Variants in NUDT21 observed in about 807,000 individuals in gnomAD.
NUDT21 encodes the protein nudix hydrolase 21, also known as cleavage and polyadenylation specificity factor subunit 5.
NUDT21 carries 5 observed loss-of-function variants against 29.8 expected under a neutral mutation model. The observed-to-expected ratio is 0.17, with a 90% CI of 0.09 to 0.35. NUDT21 has a LOEUF of 0.35. Ranked by LOEUF, NUDT21 falls within the 10% of genes least tolerant of loss-of-function variation. The probability of loss-of-function intolerance (pLI) is 1.00; values close to 1 mark genes in which losing one functional copy is unlikely to be tolerated. For missense variants in NUDT21, 76 were observed against 276.0 expected, an observed-to-expected ratio of 0.28 and a Z score of 5.13; for synonymous variants, 113 against 98.5, an observed-to-expected ratio of 1.15 and a Z score of -0.87.
intron 3 of NUDT21, among the ~76,000 whole-genome samples, chr16:56,443,565 A>G (rs1962183564): frequency 6.6e-6 from 1 of 152,190 alleles, no homozygotes; most frequent in African/African-American, 2.4e-5. Flanking sequence ...TTTGATCCCC[A>G]ATGTGACAGT....
Position 56,431,922 on chromosome 16 carries a change from C to T in NUDT21, c.*790G>A, listed in dbSNP as rs1321317940. On this transcript the variant is annotated 3_prime_UTR_variant, in exon 7 of 7. Transcript: ENST00000300291. ...ATTTGTGCAATCTCAGAGTTCAAAA[C>T]CTAATACATCCAATTTTAGAAATTT... is the stretch of plus-strand genomic sequence containing the variant. 4 of 152,144 alleles carry T rather than the reference C, an allele frequency of 2.6e-5. No individual in the cohort carries two copies. Among genetic ancestry groups the T allele is most frequent in the African/African-American group, 9.7e-5 (4 of 41,430 alleles). 9.4% of individuals were successfully genotyped at this position (152,144 alleles called of 1,614,324 possible).
rs924206975 is a variant in NUDT21, at chr16:56,432,590, C to T, written c.*122G>A. The T allele has an allele frequency of 1.6e-6, 1 of 607,068 alleles. No individual in the cohort carries two copies. 37.6% of individuals were successfully genotyped at this position (607,068 alleles called of 1,614,324 possible). A position where few individuals can be genotyped will look rare whatever the true frequency, so the allele number is the denominator to read the frequency against. ...TACTATTCAAACAATAGAAAGGTGG[C>T]AATTTAGGGATCGCAAAAGAGATAA... On this transcript the variant is annotated 3_prime_UTR_variant, in exon 7 of 7. Transcript: ENST00000300291.
In NUDT21 at chr16:56,451,257, T is replaced by A; in HGVS notation, c.-55A>T. On this transcript the variant is annotated 5_prime_UTR_variant, in exon 1 of 7. Coordinates refer to ENST00000300291, the MANE Select transcript of NUDT21 (RefSeq NM_007006.3). Reference sequence around the variant, plus strand: ...AGAAAGTGGCAGGCAGGGTAGACTTTCCCCGTGCGGGAAGCGGTTATCTGC... The same window carrying A: ...AGAAAGTGGCAGGCAGGGTAGACTTACCCCGTGCGGGAAGCGGTTATCTGC... The A allele has an allele frequency of 1.5e-6, 2 of 1,365,678 alleles. No homozygotes were observed. Among genetic ancestry groups the A allele is most frequent in the East Asian group, 2.3e-5 (1 of 42,598 alleles). 84.6% of individuals were successfully genotyped at this position (1,365,678 alleles called of 1,614,324 possible).
At chr16:56,447,197 C>T (rs545381456) in intron 2 of NUDT21, 6 of 159,306 alleles carry the variant, frequency 3.8e-5, no homozygotes, top group African/African-American at 1.2e-4. Flanking sequence ...AATTGCTAAC[C>T]ACCAGTCCAT....
chr16:56,442,143 A>C (rs945911741), intron 3 of NUDT21, among the ~76,000 whole-genome samples: 14 of 152,148 alleles, frequency 9.2e-5, no homozygotes, highest in African/African-American at 3.4e-4. Flanking sequence ...CAGCCTCCCA[A>C]AGTGCTGAAA....
intron 5 of NUDT21, 24 bp downstream of exon 5, chr16:56,434,730 A>T: frequency 7.0e-7 from 1 of 1,435,560 alleles, no homozygotes. Flanking sequence ...TTAGATGGCT[A>T]CCTTTGAAAA....
chr16:56,438,678 G>C (rs767754923), intron 4 of NUDT21, among the ~76,000 whole-genome samples: 9 of 152,004 alleles, frequency 5.9e-5, no homozygotes, highest in Non-Finnish European at 1.3e-4. Flanking sequence ...ACAATTTCTA[G>C]ATCTAACTAT....
rs190049750 is a variant in NUDT21 at position 56,432,420 on chromosome 16, A to G, written c.*292T>C. On this transcript the variant is annotated 3_prime_UTR_variant, in exon 7 of 7. Coordinates refer to ENST00000300291, the MANE Select transcript of NUDT21 (RefSeq NM_007006.3). ...GTGGGGGGAAAAATGATCCTCACCT[A>G]TAAGAATTTTAGAAGTTTAATGAGA... 4 of 268,778 alleles carry G rather than the reference A, an allele frequency of 1.5e-5. No homozygotes were observed. The highest frequency in any genetic ancestry group is 6.8e-5 in the East Asian group (1 of 14,602). The allele number at this position is 268,778 out of a possible 1,614,324, so 16.6% of individuals were successfully genotyped here.
chr16:56,450,974 T>C (rs1962301235), intron 1 of NUDT21, 113 bp downstream of exon 1: 3 of 775,314 alleles, frequency 3.9e-6, no homozygotes, highest in African/African-American at 1.8e-5. Flanking sequence ...CCAGCGGGAG[T>C]TGGAGGCGGG....
At position 56,432,733 on chromosome 16, in the gene NUDT21, C is replaced by A; in HGVS notation, c.663G>T (p.Arg221Ser). 4 of 1,605,676 alleles carry A rather than the reference C, an allele frequency of 2.5e-6. No homozygotes were observed. The highest frequency in any genetic ancestry group is 3.4e-6 in the Non-Finnish European group (4 of 1,173,870). The stretch of plus-strand genomic sequence containing the variant: ...GAATTCAGTTGTAAATAAAATTGAA[C>A]CTGAATTTTAAAAAGAACAATACCT... ...IISSLPQLLS[R>S]FNFIYN Residue 221 changes from arginine to serine, a missense_variant and splice_region_variant, in exon 7 of 7, where the codon AGG (arginine) becomes AGT (serine). Physicochemically the swap from Arg to Ser is moderately radical, Grantham distance 110. This residue lies in a region of NUDT21 where 13 missense variants were observed against 59.7 expected (regional missense o/e 0.22). Coordinates refer to ENST00000300291, the MANE Select transcript of NUDT21 (RefSeq NM_007006.3).
At chr16:56,442,595 C>T (rs571997569) in intron 3 of NUDT21, among the ~76,000 whole-genome samples, 18 of 152,252 alleles carry the variant, frequency 1.2e-4, no homozygotes, top group African/African-American at 3.4e-4. Context: ...GGATCTAAAA[C>T]GTCATGATGA....
chr16:56,444,182 G>C (rs1596956904), intron 3 of NUDT21, among the ~76,000 whole-genome samples: 1 of 152,298 alleles, frequency 6.6e-6, no homozygotes, highest in East Asian at 1.9e-4. Context: ...TACTCAGGAA[G>C]CTGAGGCAGG....
intron 1 of NUDT21, among the ~76,000 whole-genome samples, chr16:56,450,795 G>A (rs1433204102): frequency 6.6e-6 from 1 of 152,226 alleles, no homozygotes; most frequent in Non-Finnish European, 1.5e-5. Context: ...TTTGAAGTCG[G>A]TTACCTCTGG....
chr16:56,449,155 T>C (rs1433475453), intron 1 of NUDT21: 1 of 152,230 alleles, frequency 6.6e-6, no homozygotes, highest in African/African-American at 2.4e-5. Context: ...TATATTAACA[T>C]TTAATTCTGA....
chr16:56,434,459 G>T lies in NUDT21; in HGVS notation c.548-14C>A, dbSNP rs1305731611. The stretch of plus-strand genomic sequence containing the variant: ...CTGCAAACAAGGCTAAAATAAAACA[G>T]AATTCATTATTATAAGTTATTATAT... On this transcript the variant is annotated splice_polypyrimidine_tract_variant and intron_variant, in intron 5 of 6. Transcript: ENST00000300291. The T allele has an allele frequency of 1.6e-5, 23 of 1,420,800 alleles. No individual in the cohort carries two copies. Among genetic ancestry groups the T allele is most frequent in the Non-Finnish European group, 2.1e-5 (21 of 1,006,614 alleles). The allele number at this position is 1,420,800 out of a possible 1,614,324, so 88.0% of individuals were successfully genotyped here.
chr16:56,435,523 A>G (rs1284694495), intron 4 of NUDT21, among the ~76,000 whole-genome samples: 2 of 150,638 alleles, frequency 1.3e-5, no homozygotes, highest in African/African-American at 4.9e-5. Flanking sequence ...TCAGGAGATC[A>G]AGACCATCCT....
rs1448543360 is a variant in NUDT21, at chr16:56,429,555, CTCAAA to C, written c.*3152_*3156del. On this transcript the variant is annotated 3_prime_UTR_variant, in exon 7 of 7. Transcript: ENST00000300291. ...GCTAATATTAAAATGTGTTTTATGG[CTCAAA>C]TCAAATTACAGTATTAGGTTTCTCA... is the stretch of plus-strand genomic sequence containing the variant. 1 of 152,116 alleles carries C rather than the reference CTCAAA, an allele frequency of 6.6e-6. No individual in the cohort carries two copies. The highest frequency in any genetic ancestry group is 1.5e-5 in the Non-Finnish European group (1 of 68,018). The allele number at this position is 152,116 out of a possible 1,614,324, so 9.4% of individuals were successfully genotyped here. A position where few individuals can be genotyped will look rare whatever the true frequency, so the allele number is the denominator to read the frequency against.
chr16:56,434,666 G>A, intron 5 of NUDT21, 88 bp downstream of exon 5: 1 of 948,800 alleles, frequency 1.1e-6, no homozygotes, highest in South Asian at 1.4e-5. Flanking sequence ...AAAAGTTCAA[G>A]GAACTTTGAG....
At chr16:56,444,827 G>A (rs1458174580) in intron 3 of NUDT21, among the ~76,000 whole-genome samples, 4 of 152,056 alleles carry the variant, frequency 2.6e-5, no homozygotes, top group Non-Finnish European at 5.9e-5. Flanking sequence ...AGATACACAG[G>A]TTGAACATCC....
Sources: gnomAD v4.1 joint callset for allele counts (sites outside exome capture counted in the v4.1 genomes callset) on GRCh38, gnomAD v4.1.1 for gene constraint, gnomAD v4.1.1 regional missense constraint, MANE v1.5 for transcripts, NCBI Gene and HGNC (gene_info 2026-07-23, HGNC 2026-07-21) for gene names.